The following KDM4B variants were observed in gnomAD, a reference collection of about 807,000 sequenced individuals.
KDM4B encodes lysine-specific demethylase 4B.
Under a neutral mutation model 125.2 loss-of-function variants are expected in KDM4B, and 32 were observed. The observed-to-expected ratio is 0.26, with a 90% CI of 0.19 to 0.34. KDM4B has a LOEUF of 0.34. Among genes scored for constraint, KDM4B ranks in the 10% least tolerant of loss-of-function variants. The probability of loss-of-function intolerance (pLI) is 1.00; values close to 1 mark genes in which losing one functional copy is unlikely to be tolerated. For synonymous variants in KDM4B, 721 were observed against 677.9 expected, an observed-to-expected ratio of 1.06 and a Z score of -0.99; for missense variants, 1,190 against 1,577.7, an observed-to-expected ratio of 0.75 and a Z score of 4.16.
chr19:5,119,795 G>A lies in KDM4B; in HGVS notation c.1258G>A (p.Glu420Lys). The change falls in exon 11 of 23, where the codon GAG becomes AAG. Residue 420 changes from glutamate to lysine, a missense_variant. Transcript: ENST00000159111. ...GGCTGGGCCGGAGGTTGACCCCGAG[G>A]AGGAGGAGGAGGAGCCGCAGCCACT... ...EEAGPEVDPE[E>K]EEEEPQPLPH... 1 of 1,542,870 alleles carries A rather than the reference G, an allele frequency of 6.5e-7. No homozygotes were observed. The highest frequency in any genetic ancestry group is 8.7e-7 in the Non-Finnish European group (1 of 1,143,590).
At chr19:5,089,982 A>G (rs1166908420) in intron 9 of KDM4B, among the ~76,000 whole-genome samples, 1 of 152,208 alleles carries the variant, frequency 6.6e-6, no homozygotes, top group Non-Finnish European at 1.5e-5. Flanking sequence ...CGGCCTGGGC[A>G]ACATAGTGAG....
At chr19:5,088,374 C>T (rs1053902420) in intron 9 of KDM4B, among the ~76,000 whole-genome samples, 1 of 152,210 alleles carries the variant, frequency 6.6e-6, no homozygotes, top group African/African-American at 2.4e-5. Flanking sequence ...CTCCAACTCC[C>T]CCCGTGATTC....
In KDM4B at chr19:5,144,121, C is replaced by T. The variant is rs763408345; in HGVS notation, c.2705C>T (p.Thr902Ile). ...PDDWPYVVSI[T>I]CLKHKSGGHA... is the part of the protein sequence containing the mutation. ...GACTGGCCCTATGTGGTCTCCATCA[C>T]CTGCCTCAAGCACAAGTCGGGGGGT... The change falls in exon 19 of 23, where the codon ACC becomes ATC. Residue 902 changes from threonine to isoleucine, a missense_variant. Thr to Ile is a moderately conservative substitution (Grantham distance 89, BLOSUM62 -1). Transcript: ENST00000159111. The T allele has an allele frequency of 1.2e-6, 2 of 1,600,140 alleles. No homozygotes were observed. Among genetic ancestry groups the T allele is most frequent in the Non-Finnish European group, 1.7e-6 (2 of 1,169,570 alleles).
At chr19:5,109,488 G>T (rs1038863269) in intron 9 of KDM4B, among the ~76,000 whole-genome samples, 1 of 152,194 alleles carries the variant, frequency 6.6e-6, no homozygotes, top group Non-Finnish European at 1.5e-5. Flanking sequence ...CTGAGGGCGT[G>T]AGAGCGGCAG....
chr19:5,039,881 A>T lies in KDM4B; in HGVS notation c.187A>T (p.Ile63Phe). 1 of 1,612,970 alleles carries T rather than the reference A, an allele frequency of 6.2e-7. No homozygotes were observed. Among genetic ancestry groups the T allele is most frequent in the Non-Finnish European group, 8.5e-7 (1 of 1,179,902 alleles). ...GAAGCCGCGGCAGACGTATGATGAC[A>T]TCGACGACGTGGTGATCCCGGCGCC... The part of the protein sequence containing the change: ...EWKPRQTYDD[I>F]DDVVIPAPIQ... Residue 63 changes from isoleucine (I) to phenylalanine (F), a missense_variant, in exon 4 of 23, where the codon ATC becomes TTC. Ile to Phe is a conservative substitution (Grantham distance 21). Around this residue, in one of 7 missense-constraint regions of KDM4B, gnomAD observed 139 missense variants for 248.3 expected, o/e 0.56. Coordinates refer to ENST00000159111, the MANE Select transcript of KDM4B (RefSeq NM_015015.3).
At position 5,141,416 on chromosome 19, in the gene KDM4B, G is replaced by A. The variant is rs1483903160; in HGVS notation, c.2551-2551G>A. The stretch of plus-strand genomic sequence containing the variant: ...GGTGCAGTGATAAGTCCTCCTGCCC[G>A]ACGCCTTATGGATCATCTGACATTT... On this transcript the variant is annotated intron_variant, in intron 18 of 22. Transcript: ENST00000159111. This position sits in a 1 kb window ranked among gnomAD's most constrained non-coding sequence, Gnocchi z 6.4. 5.3e-5 allele frequency: 8 copies of A among 152,234 alleles called. No homozygotes were observed. The highest frequency in any genetic ancestry group is 1.7e-4 in the African/African-American group (7 of 41,462). The allele number at this position is 152,234 out of a possible 1,614,324, so 9.4% of individuals were successfully genotyped here.
At chr19:5,151,079 G>C (rs1030657164) in intron 22 of KDM4B, among the ~76,000 whole-genome samples, 4 of 152,214 alleles carry the variant, frequency 2.6e-5, no homozygotes, top group East Asian at 1.9e-4. Flanking sequence ...AAACAGATGG[G>C]AGCTGCCAGA....
At chr19:5,053,741 G>T (rs1181736856) in intron 6 of KDM4B, among the ~76,000 whole-genome samples, 20 of 152,276 alleles carry the variant, frequency 1.3e-4, no homozygotes, top group Non-Finnish European at 2.9e-4. Context: ...GTTGTCACAA[G>T]CAAGTGAGGC....
Position 4,971,566 on chromosome 19 carries a change from G to A in KDM4B, c.-109+2336G>A, listed in dbSNP as rs2034260176. Among the ~76,000 whole-genome samples the A allele has an allele frequency of 6.6e-6, 1 of 152,190 alleles. No individual in the cohort carries two copies. The highest frequency in any genetic ancestry group is 1.5e-5 in the Non-Finnish European group (1 of 68,042). ...TGCCTTGGGGTCATGCGTTCACCTG[G>A]TCTGGGGCTGCTAGGTTTCCAGTGC... is the stretch of plus-strand genomic sequence containing the variant. On this transcript the variant is annotated intron_variant, in intron 1 of 22. Coordinates refer to ENST00000159111, the MANE Select transcript of KDM4B (RefSeq NM_015015.3). This position sits in a 1 kb window ranked among gnomAD's most constrained non-coding sequence, Gnocchi z 4.1.
At chr19:5,017,982 G>A (rs144701010) in intron 2 of KDM4B, among the ~76,000 whole-genome samples, 9,837 of 151,772 alleles carry the variant, frequency 0.065, 1,032 homozygotes, top group African/African-American at 0.22. Flanking sequence ...CTCGTGATCC[G>A]CCCACCTTGG....
intron 9 of KDM4B, among the ~76,000 whole-genome samples, chr19:5,097,215 A>C (rs1395798830): frequency 2.0e-5 from 3 of 152,194 alleles, no homozygotes; most frequent in African/African-American, 7.2e-5. Context: ...GTAAAGCCCC[A>C]CGTGGCGCAT....
At chr19:5,060,010 C>T (rs925177242) in intron 6 of KDM4B, among the ~76,000 whole-genome samples, 1 of 152,220 alleles carries the variant, frequency 6.6e-6, no homozygotes, top group Non-Finnish European at 1.5e-5. Context: ...TTCTCTGCTG[C>T]CTCCTCCCCA....
intron 1 of KDM4B, among the ~76,000 whole-genome samples, chr19:5,011,920 C>T (rs1306143934): frequency 1.3e-5 from 2 of 152,220 alleles, no homozygotes; most frequent in Admixed American, 1.3e-4. Flanking sequence ...TCTTCCGCCC[C>T]ACCCGCGGGT....
chr19:5,110,871 C>T (rs1303337091), intron 10 of KDM4B, 53 bp downstream of exon 10: 5 of 1,452,072 alleles, frequency 3.4e-6, no homozygotes, highest in Non-Finnish European at 4.6e-6. Context: ...GGGGGTGGCC[C>T]TGCTGGGTGG....
intron 6 of KDM4B, among the ~76,000 whole-genome samples, chr19:5,064,119 C>T (rs1050033205): frequency 3.3e-5 from 5 of 152,182 alleles, no homozygotes; most frequent in Admixed American, 2.0e-4. Context: ...GTGGCGGTCA[C>T]CATGGCTTTT....
At chr19:5,058,400 G>C (rs138206415) in intron 6 of KDM4B, among the ~76,000 whole-genome samples, 16 of 152,204 alleles carry the variant, frequency 1.1e-4, no homozygotes, top group Admixed American at 1.0e-3. Context: ...AGAATGGGGG[G>C]CTCTGAGGAC....
chr19:5,019,164 GCAGGTGCTGGTGTGGGTGTT>G (rs2035988583), intron 2 of KDM4B, among the ~76,000 whole-genome samples: 1 of 150,738 alleles, frequency 6.6e-6, no homozygotes, highest in East Asian at 2.0e-4. Flanking sequence ...GTGTTGGTGT[GCAGGTGCTGGTGTGGGTGTT>G]GGTGTGGGTG....
intron 10 of KDM4B, chr19:5,111,225 A>C: frequency 1.6e-6 from 1 of 607,648 alleles, no homozygotes. Flanking sequence ...CTGTCCGGCT[A>C]CTCGGGCCCC....
At chr19:5,053,842 C>G (rs1268512198) in intron 6 of KDM4B, among the ~76,000 whole-genome samples, 1 of 152,266 alleles carries the variant, frequency 6.6e-6, no homozygotes, top group African/African-American at 2.4e-5. Flanking sequence ...GCGCTCAGCA[C>G]CAGCCCAGGG....
Sources: gnomAD v4.1 joint callset for allele counts (sites outside exome capture counted in the v4.1 genomes callset) on GRCh38, gnomAD v4.1.1 for gene constraint, gnomAD v4.1.1 regional missense constraint, Gnocchi (gnomAD v3.1) non-coding constraint, MANE v1.5 for transcripts, NCBI Gene and HGNC (gene_info 2026-07-23, HGNC 2026-07-21) for gene names.